The following CNGB3 variants were observed in gnomAD, a reference collection of about 807,000 sequenced individuals.
CNGB3 encodes the protein cyclic nucleotide gated channel subunit beta 3.
CNGB3 carries 86 observed loss-of-function variants against 92.8 expected under a neutral mutation model. That is an observed-to-expected ratio of 0.93 (90% CI 0.78 to 1.11). The LOEUF is 1.11. Ranked by LOEUF, CNGB3 falls within the 50% of genes least tolerant of loss-of-function variation. The pLI, the probability that CNGB3 is intolerant of heterozygous loss-of-function variation, is 0.00. For missense variants in CNGB3, 1,026 were observed against 956.8 expected (o/e 1.07, Z -0.95); for synonymous variants, 333 against 332.7 (o/e 1.00, Z -0.01).
At chr8:86,673,426 T>C (rs993417510) in intron 3 of CNGB3, among the ~76,000 whole-genome samples, 1 of 151,992 alleles carries the variant, frequency 6.6e-6, no homozygotes, top group African/African-American at 2.4e-5. Context: ...TGTGTGTGTG[T>C]AGGGGGCCAG....
chr8:86,602,572 G>A (rs1014946121), intron 15 of CNGB3, among the ~76,000 whole-genome samples: 3 of 152,124 alleles, frequency 2.0e-5, no homozygotes, highest in Non-Finnish European at 2.9e-5. Flanking sequence ...ATGGTGTCCT[G>A]GGAAAGATAT....
chr8:86,609,270 T>C (rs574306070), intron 14 of CNGB3, among the ~76,000 whole-genome samples: 2 of 152,316 alleles, frequency 1.3e-5, no homozygotes, highest in East Asian at 1.9e-4. Context: ...TGAAAGGACA[T>C]GTTGTGGTGC....
At chr8:86,690,433 A>G (rs1431315527) in intron 3 of CNGB3, among the ~76,000 whole-genome samples, 1 of 152,050 alleles carries the variant, frequency 6.6e-6, no homozygotes, top group Non-Finnish European at 1.5e-5. Flanking sequence ...AATTTGTTTA[A>G]GTTCTTTGTA....
chr8:86,645,492 G>GC, intron 8 of CNGB3, among the ~76,000 whole-genome samples: 1 of 151,226 alleles, frequency 6.6e-6, no homozygotes, highest in South Asian at 2.1e-4. Flanking sequence ...AAGAAAAGAT[G>GC]CCCCCCAAAA....
chr8:86,601,783 A>T (rs1446657411), intron 15 of CNGB3, among the ~76,000 whole-genome samples: 1 of 152,206 alleles, frequency 6.6e-6, no homozygotes, highest in Non-Finnish European at 1.5e-5. Context: ...AACCACAGCC[A>T]AAAAGAGAAT....
At chr8:86,635,821 G>GATATATATATATATAT (rs57486853) in intron 10 of CNGB3, among the ~76,000 whole-genome samples, 1 of 60,594 alleles carries the variant, frequency 1.7e-5, no homozygotes, top group Non-Finnish European at 2.9e-5. Flanking sequence ...TATAACACAT[G>GATATATATATATATAT]ATATATATAT....
At chr8:86,736,803 CTTACTATTTATGG>C (rs1825256461) in intron 2 of CNGB3, among the ~76,000 whole-genome samples, 1 of 150,634 alleles carries the variant, frequency 6.6e-6, no homozygotes, top group Non-Finnish European at 1.5e-5. Context: ...GTTTATGATT[CTTACTATTTATGG>C]AAGTTTTATA....
At chr8:86,730,111 A>C (rs1825133237) in intron 2 of CNGB3, among the ~76,000 whole-genome samples, 1 of 152,198 alleles carries the variant, frequency 6.6e-6, no homozygotes, top group Non-Finnish European at 1.5e-5. Context: ...TTCCATCCTG[A>C]GCCTGGCAGC....
intron 5 of CNGB3, 26 bp from the exon 6 acceptor site, chr8:86,667,159 C>T (rs1823759085): frequency 1.3e-6 from 2 of 1,588,434 alleles, no homozygotes; most frequent in Non-Finnish European, 8.6e-7. Context: ...GTGGTGAAAT[C>T]CAAATGACAT....
intron 4 of CNGB3, among the ~76,000 whole-genome samples, chr8:86,670,130 G>A (rs577394137): frequency 4.6e-5 from 7 of 152,268 alleles, no homozygotes; most frequent in South Asian, 2.1e-4. Flanking sequence ...TTACAGTCAT[G>A]AGCCACTACG....
intron 3 of CNGB3, among the ~76,000 whole-genome samples, chr8:86,695,891 C>A (rs1181265797): frequency 6.6e-6 from 1 of 152,100 alleles, no homozygotes; most frequent in Non-Finnish European, 1.5e-5. Context: ...TTCCTGAGAG[C>A]TAGACCACAG....
chr8:86,651,232 C>CCAGAGTA (rs1265549428), intron 7 of CNGB3, among the ~76,000 whole-genome samples: 2 of 151,538 alleles, frequency 1.3e-5, no homozygotes, highest in Non-Finnish European at 3.0e-5. Context: ...GATGGGTGCA[C>CCAGAGTA]TGAAATCTCA....
At chr8:86,596,781 G>T (rs1308543124) in intron 15 of CNGB3, among the ~76,000 whole-genome samples, 3 of 152,174 alleles carry the variant, frequency 2.0e-5, no homozygotes, top group African/African-American at 7.2e-5. Context: ...CAAACCAAAT[G>T]TCCATCAATA....
At chr8:86,621,417 T>C (rs1256920286) in intron 13 of CNGB3, among the ~76,000 whole-genome samples, 1 of 152,320 alleles carries the variant, frequency 6.6e-6, no homozygotes, top group East Asian at 1.9e-4. Context: ...TAATACCTAC[T>C]CTTATGTATG....
At chr8:86,701,116 A>G (rs1228042793) in intron 3 of CNGB3, among the ~76,000 whole-genome samples, 3 of 152,192 alleles carry the variant, frequency 2.0e-5, no homozygotes, top group Non-Finnish European at 4.4e-5. Context: ...AAGGTATGCA[A>G]ATGAACCTGT....
At position 86,668,029 on chromosome 8, in the gene CNGB3, A is replaced by C. The variant is rs557864352; in HGVS notation, c.633T>G (p.Asp211Glu). ...ACCCTTTGATAATACCTGTGTATGA[A>C]TCTATGCTGTTTGGAAGTTTAATTC... The part of the protein sequence containing the change: ...LKRIKLPNSI[D>E]SYTDRLYLLW... The change falls in exon 5 of 18, where the codon GAT becomes GAG. Residue 211 changes from aspartate to glutamate, a missense_variant. Asp to Glu is a conservative substitution (Grantham distance 45). Transcript: ENST00000320005. 1.2e-6 allele frequency: 2 copies of C among 1,614,094 alleles called. No homozygotes were observed. The highest frequency in any genetic ancestry group is 1.3e-5 in the African/African-American group (1 of 75,022).
chr8:86,588,764 A>G (rs1318322951), intron 15 of CNGB3, among the ~76,000 whole-genome samples: 1 of 151,350 alleles, frequency 6.6e-6, no homozygotes, highest in African/African-American at 2.4e-5. Flanking sequence ...GGATTTTTGC[A>G]TCAATGTTCA....
chr8:86,704,105 G>A (rs1133061), intron 3 of CNGB3: 3 of 152,110 alleles, frequency 2.0e-5, no homozygotes, highest in African/African-American at 7.2e-5. Flanking sequence ...AGCCTTACTT[G>A]TTCATATGGA....
chr8:86,730,431 G>C (rs1449701803), intron 2 of CNGB3, among the ~76,000 whole-genome samples: 1 of 152,166 alleles, frequency 6.6e-6, no homozygotes, highest in East Asian at 1.9e-4. Context: ...TCTTTGGTGT[G>C]GGGGATGGTA....
Sources: allele counts gnomAD v4.1 joint callset (sites outside exome capture counted in the v4.1 genomes callset), GRCh38; gene constraint gnomAD v4.1.1; transcripts MANE v1.5; gene names NCBI Gene and HGNC (gene_info 2026-07-23, HGNC 2026-07-21).